The following LAMB3 variants were observed in gnomAD, a reference collection of about 807,000 sequenced individuals.
The protein encoded by LAMB3 is laminin subunit beta-3.
In LAMB3, 104 loss-of-function variants were observed where a neutral mutation model predicts 140.3. That is an observed-to-expected ratio of 0.74 (90% CI 0.63 to 0.87). The LOEUF is 0.87. Ranked by LOEUF, LAMB3 falls within the 40% of genes least tolerant of loss-of-function variation. LAMB3 has a pLI of 0.00. For synonymous variants in LAMB3, 592 were observed against 602.9 expected, an observed-to-expected ratio of 0.98 and a Z score of 0.26; for missense variants, 1,531 against 1,575.2, an observed-to-expected ratio of 0.97 and a Z score of 0.47.
At chr1:209,629,619 C>T (rs1249736802) in intron 10 of LAMB3, 118 bp downstream of exon 10, 33 of 973,004 alleles carry the variant, frequency 3.4e-5, no homozygotes, top group Non-Finnish European at 6.5e-6. Context: ...GACTCACAGC[C>T]AAGTTTTCAT....
At chr1:209,639,532 CAG>C (rs1267607913) in intron 3 of LAMB3, among the ~76,000 whole-genome samples, 2 of 152,138 alleles carry the variant, frequency 1.3e-5, no homozygotes, top group African/African-American at 4.8e-5. Context: ...GGTTTCATGG[CAG>C]AGCAAGGATC....
At chr1:209,616,288 A>G (rs1665959208) in intron 22 of LAMB3, among the ~76,000 whole-genome samples, 183 bp downstream of exon 22, 2 of 152,198 alleles carry the variant, frequency 1.3e-5, no homozygotes, top group South Asian at 2.1e-4. Flanking sequence ...GGCCAGGACA[A>G]GTCATGGGAC....
Position 209,623,410 on chromosome 1 carries a change from G to T in LAMB3, c.2358+95C>A. Reference sequence around the variant, plus strand: ...CTGGGGGAGTGGGGTTCTCACAGGGGCAGATCTGCCCTAATAGGAAGCAGG... The same window carrying T: ...CTGGGGGAGTGGGGTTCTCACAGGGTCAGATCTGCCCTAATAGGAAGCAGG... On this transcript the variant is annotated intron_variant, in intron 16 of 22. Transcript: ENST00000356082. The surrounding 1 kb of genome is among the most constrained non-coding windows in gnomAD (Gnocchi z 4.2). 7.8e-7 allele frequency: 1 copy of T among 1,274,542 alleles called. No homozygotes were observed. The highest frequency in any genetic ancestry group is 1.1e-6 in the Non-Finnish European group (1 of 874,450). 79.0% of individuals were successfully genotyped at this position (1,274,542 alleles called of 1,614,324 possible).
rs201409829 is a variant in LAMB3 at position 209,620,683 on chromosome 1, G to T, written c.2701+1853C>A. ...ACCTCTCTGTGCCTAGATTACTTGT[G>T]TGCAAAGTGGAAGTAATAAGAGTAC... On this transcript the variant is annotated intron_variant, in intron 18 of 22. Coordinates refer to ENST00000356082, the MANE Select transcript of LAMB3 (RefSeq NM_000228.3). Among the ~76,000 whole-genome samples the T allele has an allele frequency of 5.3e-5, 8 of 152,348 alleles. No homozygotes were observed. The East Asian group carries it at 1.5e-3, about 29-fold the overall frequency.
chr1:209,623,148 G>T lies in LAMB3; in HGVS notation c.2390C>A (p.Thr797Asn). 1.2e-6 allele frequency: 2 copies of T among 1,614,226 alleles called. No homozygotes were observed. The highest frequency in any genetic ancestry group is 1.1e-5 in the South Asian group (1 of 91,082). ...TAGCTCACCAGGGCATGATATTGGG[G>T]TGCAAGCCATCTGCCTGGAGTTGCC... The part of the protein sequence containing the change: ...LCGNSRQMAC[T>N]PISCPGELCP... Residue 797 changes from threonine (T) to asparagine (N), a missense_variant, in exon 17 of 23, where the codon ACC becomes AAC. Physicochemically the swap from Thr to Asn is moderately conservative, Grantham distance 65. Transcript: ENST00000356082. This position sits in a 1 kb window ranked among gnomAD's most constrained non-coding sequence, Gnocchi z 4.2.
rs551225276 is a variant in LAMB3 at position 209,642,366 on chromosome 1, C to T, written c.184-3718G>A. ...GCTGATATTCACCCATTTTGACCTA[C>T]AAAAATGGCAACTGCATACAGTTCA... On this transcript the variant is annotated intron_variant, in intron 3 of 22. Coordinates refer to ENST00000356082, the MANE Select transcript of LAMB3 (RefSeq NM_000228.3). 3.9e-5 allele frequency among the ~76,000 whole-genome samples: 6 copies of T among 152,160 alleles called. 1 individual carries two copies. The highest frequency in any genetic ancestry group is 1.2e-4 in the African/African-American group (5 of 41,442).
At chr1:209,636,880 C>G (rs540814392) in intron 5 of LAMB3, among the ~76,000 whole-genome samples, 1 of 152,238 alleles carries the variant, frequency 6.6e-6, no homozygotes, top group Non-Finnish European at 1.5e-5. Context: ...ACATTGCACT[C>G]TCTCACTACT....
chr1:209,632,376 T>A (rs1666721874), intron 8 of LAMB3, among the ~76,000 whole-genome samples: 2 of 152,312 alleles, frequency 1.3e-5, no homozygotes, highest in South Asian at 4.1e-4. Context: ...GAAAATCATC[T>A]CAAATTAGGA....
At chr1:209,624,876 GAGAGAGGAAGGA>G (rs1212455590) in intron 14 of LAMB3, among the ~76,000 whole-genome samples, 10 of 113,060 alleles carry the variant, frequency 8.8e-5, no homozygotes, top group African/African-American at 3.5e-4. Context: ...GAAAGAAAGA[GAGAGAGGAAGGA>G]AGGAAGGAAG....
rs546188923 is a variant in LAMB3 at position 209,620,516 on chromosome 1, T to C, written c.2702-1857A>G. Among the ~76,000 whole-genome samples the C allele has an allele frequency of 2.0e-5, 3 of 152,300 alleles. No individual in the cohort carries two copies. The East Asian group carries it at 5.8e-4, about 29-fold the overall frequency. ...AGGCAAGAGGCAAGAGAAAGTGTGTTTGTGTATGCACACTCGCATGTGTGT... is the reference window on the plus strand; with the variant it reads ...AGGCAAGAGGCAAGAGAAAGTGTGTCTGTGTATGCACACTCGCATGTGTGT... On this transcript the variant is annotated intron_variant, in intron 18 of 22. Coordinates refer to ENST00000356082, the MANE Select transcript of LAMB3 (RefSeq NM_000228.3).
chr1:209,620,766 C>T (rs892287959), intron 18 of LAMB3, among the ~76,000 whole-genome samples: 2 of 152,204 alleles, frequency 1.3e-5, no homozygotes, highest in Admixed American at 6.5e-5. Context: ...TGGAACAGTG[C>T]CTGGACTCAG....
chr1:209,651,145 C>A (rs2076563531), intron 1 of LAMB3, 164 bp from the exon 2 acceptor site: 1 of 646,784 alleles, frequency 1.5e-6, no homozygotes, highest in Non-Finnish European at 2.9e-6. Context: ...TTGGAAAATG[C>A]TGGAGCTCTA....
rs1558146444 is a variant in LAMB3, at chr1:209,616,664, G to A, written c.3229-40C>T. 1.9e-6 allele frequency: 3 copies of A among 1,606,208 alleles called. No homozygotes were observed. In the Admixed American group the frequency reaches 5.0e-5, roughly 27 times the overall value. On this transcript the variant is annotated intron_variant, in intron 21 of 22. Transcript: ENST00000356082. ...ATAGTCTCAGTGTCATTGTCATCAT[G>A]CAAGGTCCTAAAGACCTGTGGCCAA...
At chr1:209,629,647 G>A in intron 10 of LAMB3, 90 bp downstream of exon 10, 1 of 1,282,554 alleles carries the variant, frequency 7.8e-7, no homozygotes, top group African/African-American at 1.5e-5. Context: ...GAGGGCCTTG[G>A]TGTGCCCAGG....
chr1:209,644,517 G>A (rs1392714928), intron 3 of LAMB3, among the ~76,000 whole-genome samples: 1 of 152,066 alleles, frequency 6.6e-6, no homozygotes, highest in Non-Finnish European at 1.5e-5. Flanking sequence ...GTTAAGAAAT[G>A]TGTCCAAGCC....
intron 10 of LAMB3, among the ~76,000 whole-genome samples, chr1:209,628,532 T>A (rs1187430429): frequency 2.6e-5 from 4 of 152,078 alleles, no homozygotes; most frequent in Non-Finnish European, 2.9e-5. Flanking sequence ...ACCCTGTCTC[T>A]ACTAAAAATA....
intron 5 of LAMB3, among the ~76,000 whole-genome samples, chr1:209,636,893 C>T (rs1230609649): frequency 1.3e-5 from 2 of 152,238 alleles, no homozygotes; most frequent in African/African-American, 2.4e-5. Context: ...TCACTACTGA[C>T]TTCCCCACGT....
chr1:209,634,760 G>T, intron 5 of LAMB3, 122 bp from the exon 6 acceptor site: 2 of 776,630 alleles, frequency 2.6e-6, no homozygotes, highest in South Asian at 1.6e-5. Flanking sequence ...GGAGCAAGTG[G>T]GCTCGGAGCA....
Position 209,650,984 on chromosome 1 carries a change from A to G in LAMB3, c.-37-3T>C, listed in dbSNP as rs1375274830. On this transcript the variant is annotated splice_region_variant and splice_polypyrimidine_tract_variant and intron_variant, in intron 1 of 22. Coordinates refer to ENST00000356082, the MANE Select transcript of LAMB3 (RefSeq NM_000228.3). ...GTGATCCCCAGAAAGGACCTTTCCT[A>G]GGACACAGCAAAGCAAACTGGGTAC... 1 of 1,607,140 alleles carries G rather than the reference A, an allele frequency of 6.2e-7. No homozygotes were observed. The highest frequency in any genetic ancestry group is 1.7e-5 in the Admixed American group (1 of 60,026).
Sources: gnomAD v4.1 joint callset for allele counts (sites outside exome capture counted in the v4.1 genomes callset) on GRCh38, gnomAD v4.1.1 for gene constraint, Gnocchi (gnomAD v3.1) non-coding constraint, MANE v1.5 for transcripts, NCBI Gene and HGNC (gene_info 2026-07-23, HGNC 2026-07-21) for gene names.